The following FBLN1 variants were observed in gnomAD, a reference collection of about 807,000 sequenced individuals.
FBLN1 encodes fibulin 1, also known as fibulin-1.
A neutral mutation model predicts 89.7 loss-of-function variants in FBLN1; 34 were observed. That is an observed-to-expected ratio of 0.38 (90% confidence interval 0.29 to 0.50). FBLN1 has a LOEUF of 0.50. Among genes scored for constraint, FBLN1 ranks in the 20% least tolerant of loss-of-function variants. The pLI is 0.92. For synonymous variants in FBLN1, 393 were observed against 391.3 expected, an observed-to-expected ratio of 1.00 and a Z score of -0.05; for missense variants, 777 against 988.1, an observed-to-expected ratio of 0.79 and a Z score of 2.86.
rs1349694363 is a variant in FBLN1, at chr22:45,545,864, G to A, written c.1322-1221G>A. On this transcript the variant is annotated intron_variant, in intron 11 of 16. Transcript: ENST00000327858. This position sits in a 1 kb window ranked among gnomAD's most constrained non-coding sequence, Gnocchi z 5.9. ...AGAGGACCATGGTAAAAGAATGAGT[G>A]TGGCAGGGCACAGTGGCTCACACCT... is the stretch of plus-strand genomic sequence containing the variant. 6.6e-6 allele frequency among the ~76,000 whole-genome samples: 1 copy of A among 152,172 alleles called. No homozygotes were observed. The highest frequency in any genetic ancestry group is 2.4e-5 in the African/African-American group (1 of 41,444).
rs1452009824 is a variant in FBLN1, at chr22:45,536,247, T to G, written c.922+910T>G. ...GAATTCATAGAGACAGAAAGTAGAA[T>G]GGAAGGTGCCGGGGCTGGGCAGGGT... On this transcript the variant is annotated intron_variant, in intron 8 of 16. Coordinates refer to ENST00000327858, the MANE Select transcript of FBLN1 (RefSeq NM_006486.3). The surrounding 1 kb of genome is among the most constrained non-coding windows in gnomAD (Gnocchi z 5.1). Among the ~76,000 whole-genome samples the G allele has an allele frequency of 6.7e-6, 1 of 149,668 alleles. No homozygotes were observed. The highest frequency in any genetic ancestry group is 2.5e-5 in the African/African-American group (1 of 40,564).
intron 1 of FBLN1, among the ~76,000 whole-genome samples, chr22:45,507,977 A>G (rs1124535): frequency 0.065 from 9,832 of 152,194 alleles, 384 homozygotes; most frequent in Non-Finnish European, 0.078. Context: ...GATGCGTGTG[A>G]TAGGTTGAGG....
rs187181346 is a variant in FBLN1 at position 45,567,649 on chromosome 22, A to G, written c.1698-6862A>G. 6.5e-4 allele frequency among the ~76,000 whole-genome samples: 99 copies of G among 152,246 alleles called. 1 individual carries two copies. Among genetic ancestry groups the G allele is most frequent in the Admixed American group, 6.0e-3 (91 of 15,286 alleles). Reference sequence around the variant, plus strand: ...GATATGCAAAACGTGTAGCGTAGAGACTGGAAAGGCAGATGCATTATTTCT... The same window carrying G: ...GATATGCAAAACGTGTAGCGTAGAGGCTGGAAAGGCAGATGCATTATTTCT... On this transcript the variant is annotated intron_variant, in intron 14 of 16. Transcript: ENST00000327858.
At chr22:45,525,217 GAGAAAAA>G in intron 2 of FBLN1, among the ~76,000 whole-genome samples, 1 of 151,502 alleles carries the variant, frequency 6.6e-6, no homozygotes, top group South Asian at 2.1e-4. Flanking sequence ...GAAAGAAAGA[GAGAAAAA>G]GAAAAGAAAA....
intron 11 of FBLN1, 42 bp downstream of exon 11, chr22:45,543,568 T>G (rs915733234): frequency 6.2e-7 from 1 of 1,605,508 alleles, no homozygotes. Context: ...CCAGGTCACC[T>G]TCCTCCTGGG....
chr22:45,589,556 C>G (rs1044470012), intron 16 of FBLN1, among the ~76,000 whole-genome samples: 1 of 152,198 alleles, frequency 6.6e-6, no homozygotes, highest in African/African-American at 2.4e-5. Context: ...GTGCCATGGC[C>G]CTGCAGCAGG....
intron 1 of FBLN1, among the ~76,000 whole-genome samples, chr22:45,508,367 T>C (rs2088052955): frequency 6.9e-6 from 1 of 144,810 alleles, no homozygotes; most frequent in African/African-American, 2.6e-5. Context: ...GTTCAAGCAA[T>C]CCTCCTGCCT....
intron 10 of FBLN1, 21 bp downstream of exon 10, chr22:45,542,304 G>T: frequency 1.2e-6 from 2 of 1,613,388 alleles, no homozygotes; most frequent in Non-Finnish European, 1.7e-6. Flanking sequence ...GGCCCCGCAG[G>T]CCTCGGGGGA....
rs1184800158 is a variant in FBLN1 at position 45,580,312 on chromosome 22, C to G, written c.1972+3204C>G. On this transcript the variant is annotated intron_variant, in intron 16 of 16. Transcript: ENST00000327858. This position sits in a 1 kb window ranked among gnomAD's most constrained non-coding sequence, Gnocchi z 8.6. ...CTGGGCAGCCCCGTGCAGCTCTGTG[C>G]TGCCTGCAGCACACGGCAGGGAACG... Among the ~76,000 whole-genome samples, 1 of 152,136 alleles carries G rather than the reference C, an allele frequency of 6.6e-6. No individual in the cohort carries two copies. Among genetic ancestry groups the G allele is most frequent in the African/African-American group, 2.4e-5 (1 of 41,442 alleles).
Position 45,562,867 on chromosome 22 carries a change from C to T in FBLN1, c.1698-11644C>T. On this transcript the variant is annotated intron_variant, in intron 14 of 16. Coordinates refer to ENST00000327858, the MANE Select transcript of FBLN1 (RefSeq NM_006486.3). This position sits in a 1 kb window ranked among gnomAD's most constrained non-coding sequence, Gnocchi z 7.8. ...CTCTGCCGTTTCTCCGCTTGCTGGA[C>T]CGGCCCTAACCCTCTTCTTGTCTCT... 6.3e-7 allele frequency: 1 copy of T among 1,583,254 alleles called. No homozygotes were observed.
rs2089059011 is a variant in FBLN1, at chr22:45,583,444, ACT to A, written c.1972+6339_1972+6340del. Reference sequence around the variant, plus strand: ...TAGGAAGGAAACGCCCTAATTGGAGACTCTGCATCTCATTAATGGAATCAGAT... The same window carrying A: ...TAGGAAGGAAACGCCCTAATTGGAGACTGCATCTCATTAATGGAATCAGAT... On this transcript the variant is annotated intron_variant, in intron 16 of 16. Coordinates refer to ENST00000327858, the MANE Select transcript of FBLN1 (RefSeq NM_006486.3). The surrounding 1 kb of genome is among the most constrained non-coding windows in gnomAD (Gnocchi z 4.5). Among the ~76,000 whole-genome samples the A allele has an allele frequency of 6.6e-6, 1 of 152,128 alleles. No individual in the cohort carries two copies. Among genetic ancestry groups the A allele is most frequent in the Non-Finnish European group, 1.5e-5 (1 of 68,028 alleles).
chr22:45,556,309 A>G lies in FBLN1; in HGVS notation c.1697+5694A>G, dbSNP rs987759731. ...CAGCACCTGGCCATGTTTTTAAAAG[A>G]AGGAGGAAATACTCACGACAATTAC... On this transcript the variant is annotated intron_variant, in intron 14 of 16. Coordinates refer to ENST00000327858, the MANE Select transcript of FBLN1 (RefSeq NM_006486.3). The surrounding 1 kb of genome is among the most constrained non-coding windows in gnomAD (Gnocchi z 4.6). Among the ~76,000 whole-genome samples the G allele has an allele frequency of 3.3e-5, 5 of 152,180 alleles. No homozygotes were observed. Among genetic ancestry groups the G allele is most frequent in the African/African-American group, 1.2e-4 (5 of 41,446 alleles).
intron 16 of FBLN1, among the ~76,000 whole-genome samples, chr22:45,598,283 A>T (rs1047905940): frequency 1.1e-4 from 17 of 152,212 alleles, no homozygotes; most frequent in Admixed American, 8.5e-4. Context: ...GTCCACTTTC[A>T]GTGTTGCCAC....
intron 16 of FBLN1, among the ~76,000 whole-genome samples, chr22:45,586,281 C>T (rs955803987): frequency 4.6e-5 from 7 of 152,192 alleles, no homozygotes; most frequent in African/African-American, 9.6e-5. Context: ...GAAGGGTCGG[C>T]GGGGTACAGC....
At chr22:45,595,995 G>A (rs1017718140) in intron 16 of FBLN1, among the ~76,000 whole-genome samples, 8 of 152,158 alleles carry the variant, frequency 5.3e-5, no homozygotes, top group African/African-American at 1.4e-4. Flanking sequence ...TCAGCCTCCT[G>A]AGTAGCTGGG....
chr22:45,519,735 T>C (rs550981811), intron 2 of FBLN1, among the ~76,000 whole-genome samples: 9 of 152,224 alleles, frequency 5.9e-5, no homozygotes, highest in Admixed American at 2.0e-4. Context: ...ACTTTCTGTG[T>C]ACCGTCTGCA....
chr22:45,526,781 G>A (rs1222873135), intron 3 of FBLN1, among the ~76,000 whole-genome samples: 3 of 152,186 alleles, frequency 2.0e-5, no homozygotes, highest in Admixed American at 2.0e-4. Context: ...GGGTGATGGT[G>A]GGGGTGCCTG....
At chr22:45,507,972 G>A (rs1251953759) in intron 1 of FBLN1, among the ~76,000 whole-genome samples, 2 of 152,182 alleles carry the variant, frequency 1.3e-5, no homozygotes, top group Non-Finnish European at 2.9e-5. Flanking sequence ...TCACTGATGC[G>A]TGTGATAGGT....
In FBLN1 at chr22:45,571,205, GA is replaced by G. The variant is rs1393137277; in HGVS notation, c.1698-3298del. Among the ~76,000 whole-genome samples, 15 of 149,222 alleles carry G rather than the reference GA, an allele frequency of 1.0e-4. No individual in the cohort carries two copies. The South Asian group carries it at 1.5e-3, about 15-fold the overall frequency. ...CAAAAACAGTAAGTGATTTATAAAG[GA>G]AAAAAAATGTTCTCATCAGACTCTT... On this transcript the variant is annotated intron_variant, in intron 14 of 16. Coordinates refer to ENST00000327858, the MANE Select transcript of FBLN1 (RefSeq NM_006486.3).
Sources: allele counts gnomAD v4.1 joint callset (sites outside exome capture counted in the v4.1 genomes callset), GRCh38; gene constraint gnomAD v4.1.1; non-coding constraint Gnocchi (gnomAD v3.1); transcripts MANE v1.5; gene names NCBI Gene and HGNC (gene_info 2026-07-23, HGNC 2026-07-21).